Variants in NASP observed in about 807,000 individuals in gnomAD.
The protein encoded by NASP is nuclear autoantigenic sperm protein.
A neutral mutation model predicts 89.5 loss-of-function variants in NASP; 24 were observed. The ratio of observed to expected loss-of-function variants is 0.27; its 90% CI spans 0.19 to 0.38. The LOEUF is 0.38. NASP is among the 10% of genes least tolerant of loss of function. NASP has a pLI of 1.00. For missense variants in NASP, 848 were observed against 921.4 expected (o/e 0.92, Z 1.03); for synonymous variants, 306 against 324.7 (o/e 0.94, Z 0.62).
chr1:45,614,910 G>A, intron 9 of NASP, 103 bp from the exon 10 acceptor site: 1 of 986,718 alleles, frequency 1.0e-6, no homozygotes, highest in Admixed American at 2.9e-5. Context: ...AACAAAAATG[G>A]AATGTTAAAT....
At chr1:45,586,285 GTGT>G (rs1557646524) in intron 1 of NASP, among the ~76,000 whole-genome samples, 2 of 79,974 alleles carry the variant, frequency 2.5e-5, no homozygotes, top group Non-Finnish European at 4.7e-5. Context: ...TGTGTGTGTG[GTGT>G]GTGTGTGTGT....
chr1:45,589,651 G>A (rs1391801694), intron 1 of NASP, among the ~76,000 whole-genome samples: 2 of 152,136 alleles, frequency 1.3e-5, no homozygotes, highest in African/African-American at 4.8e-5. Flanking sequence ...TGTAATCTCA[G>A]CACTTTGGGA....
In NASP at chr1:45,618,161, C is replaced by T. The variant is rs1569629685; in HGVS notation, c.*20C>T. The T allele has an allele frequency of 6.4e-7, 1 of 1,555,758 alleles. No homozygotes were observed. The highest frequency in any genetic ancestry group is 1.9e-5 in the Admixed American group (1 of 52,962). Reference sequence around the variant, plus strand: ...TGTTAAGAGGGGGCACAGCCCTCCTCCCAAGGGAAAGTGTTTTTGTATATA... The same window carrying T: ...TGTTAAGAGGGGGCACAGCCCTCCTTCCAAGGGAAAGTGTTTTTGTATATA... On this transcript the variant is annotated 3_prime_UTR_variant, in exon 15 of 15. Coordinates refer to ENST00000350030, the MANE Select transcript of NASP (RefSeq NM_002482.4).
chr1:45,586,290 T>TGTGTGTG (rs1644545615), intron 1 of NASP, among the ~76,000 whole-genome samples: 2 of 97,328 alleles, frequency 2.1e-5, no homozygotes, highest in Admixed American at 1.0e-4. Context: ...GTGTGGTGTG[T>TGTGTGTG]GTGTGTGTGT....
intron 13 of NASP, 121 bp from the exon 14 acceptor site, chr1:45,617,342 C>A: frequency 8.3e-7 from 1 of 1,198,118 alleles, no homozygotes. Flanking sequence ...GAGAGAGACC[C>A]TTAGAGCTGT....
intron 3 of NASP, 127 bp downstream of exon 3, chr1:45,602,492 G>T: frequency 1.1e-6 from 1 of 892,612 alleles, no homozygotes; most frequent in Non-Finnish European, 1.6e-6. Flanking sequence ...TTTTTCATGT[G>T]GTTTGTACCA....
chr1:45,614,974 T>A, intron 9 of NASP, 39 bp from the exon 10 acceptor site: 1 of 1,558,784 alleles, frequency 6.4e-7, no homozygotes, highest in Non-Finnish European at 8.8e-7. Flanking sequence ...TTATGTTGAA[T>A]GCTGTCCATT....
chr1:45,603,834 C>A (rs1228468846), intron 3 of NASP, among the ~76,000 whole-genome samples: 3 of 152,130 alleles, frequency 2.0e-5, no homozygotes, highest in Admixed American at 1.3e-4. Flanking sequence ...GTCTCGAACG[C>A]CCGACCTCAG....
chr1:45,584,673 G>A (rs984964339), intron 1 of NASP, among the ~76,000 whole-genome samples: 1 of 152,154 alleles, frequency 6.6e-6, no homozygotes, highest in Non-Finnish European at 1.5e-5. Flanking sequence ...TGGACCTGAG[G>A]GGTCGGGGTG....
chr1:45,586,048 G>A (rs1175970660), intron 1 of NASP, among the ~76,000 whole-genome samples: 1 of 151,790 alleles, frequency 6.6e-6, no homozygotes, highest in Admixed American at 6.6e-5. Flanking sequence ...TTCCTGGCAG[G>A]TTATACATAG....
intron 1 of NASP, among the ~76,000 whole-genome samples, chr1:45,584,662 C>G (rs1644502335): frequency 8.5e-6 from 1 of 117,048 alleles, no homozygotes; most frequent in Non-Finnish European, 1.7e-5. Flanking sequence ...AGGAAGGAGG[C>G]TGGACCTGAG....
At chr1:45,602,873 C>T (rs1287283851) in intron 3 of NASP, among the ~76,000 whole-genome samples, 1 of 152,210 alleles carries the variant, frequency 6.6e-6, no homozygotes, top group Non-Finnish European at 1.5e-5. Flanking sequence ...ATTCGTCCAC[C>T]TTGGCCTCCC....
intron 2 of NASP, chr1:45,600,544 C>G (rs951902886): frequency 1.2e-6 from 1 of 830,384 alleles, no homozygotes; most frequent in African/African-American, 1.9e-5. Flanking sequence ...ATTAATAGTT[C>G]ATTCTTTTTG....
At chr1:45,594,500 A>G (rs1168456154) in intron 2 of NASP, among the ~76,000 whole-genome samples, 1 of 152,162 alleles carries the variant, frequency 6.6e-6, no homozygotes, top group Admixed American at 6.5e-5. Context: ...TAGGCTATCC[A>G]AAACACAGTG....
chr1:45,616,630 C>T lies in NASP; in HGVS notation c.2084C>T (p.Ala695Val). 6.8e-6 allele frequency: 11 copies of T among 1,613,744 alleles called. No homozygotes were observed. The highest frequency in any genetic ancestry group is 9.3e-6 in the Non-Finnish European group (11 of 1,179,656). Residue 695 changes from alanine to valine, a missense_variant, in exon 13 of 15, where the codon GCC becomes GTC. Physicochemically the swap from Ala to Val is moderately conservative, Grantham distance 64. Coordinates refer to ENST00000350030, the MANE Select transcript of NASP (RefSeq NM_002482.4). The part of the protein sequence containing the change: ...GGGGSSVSMI[A>V]SRKPTDGASS... ...AATAAGGGCTTATTTTGCCAGATTGCCAGTAGAAAGCCAACAGACGGTGCT... is the reference window on the plus strand; with the variant it reads ...AATAAGGGCTTATTTTGCCAGATTGTCAGTAGAAAGCCAACAGACGGTGCT...
intron 2 of NASP, among the ~76,000 whole-genome samples, chr1:45,599,517 T>C (rs558991091): frequency 4.9e-4 from 74 of 152,216 alleles, no homozygotes; most frequent in Non-Finnish European, 6.9e-4. Context: ...AACCTCTGCC[T>C]CCCTGGTTCA....
chr1:45,600,092 T>A (rs1438453206), intron 2 of NASP, among the ~76,000 whole-genome samples: 1 of 152,040 alleles, frequency 6.6e-6, no homozygotes, highest in African/African-American at 2.4e-5. Flanking sequence ...ACCCAAGTAT[T>A]GTTGATTGAA....
chr1:45,585,801 A>C (rs980875353), intron 1 of NASP, among the ~76,000 whole-genome samples: 1 of 152,170 alleles, frequency 6.6e-6, no homozygotes, highest in African/African-American at 2.4e-5. Flanking sequence ...CAGGTGTGCC[A>C]CTACACCTGG....
At position 45,617,517 on chromosome 1, in the gene NASP, G is replaced by C; in HGVS notation, c.2212G>C (p.Glu738Gln). 6.2e-7 allele frequency: 1 copy of C among 1,613,464 alleles called. No homozygotes were observed. The highest frequency in any genetic ancestry group is 8.5e-7 in the Non-Finnish European group (1 of 1,179,752). The change falls in exon 14 of 15, where the codon GAG (glutamate) becomes CAG (glutamine). Residue 738 changes from glutamate to glutamine, a missense_variant. Coordinates refer to ENST00000350030, the MANE Select transcript of NASP (RefSeq NM_002482.4). The stretch of plus-strand genomic sequence containing the variant: ...AGATGATGCAAAGAAAGCCAAACAA[G>C]AGCCGGAGGTGAACGGAGGCAGTGG... ...RKDDAKKAKQEPEVNGGSGDA... is the reference protein window; with the variant it reads ...RKDDAKKAKQQPEVNGGSGDA...
Sources: gnomAD v4.1 joint callset for allele counts (sites outside exome capture counted in the v4.1 genomes callset) on GRCh38, gnomAD v4.1.1 for gene constraint, MANE v1.5 for transcripts, NCBI Gene and HGNC (gene_info 2026-07-23, HGNC 2026-07-21) for gene names.